Variants in DACH2 observed in about 807,000 individuals in gnomAD.
DACH2 encodes dachshund family transcription factor 2, also known as dachshund homolog 2.
Under a neutral mutation model 35.8 loss-of-function variants are expected in DACH2, and 17 were observed. That is an observed-to-expected ratio of 0.48 (90% confidence interval 0.33 to 0.71). DACH2 has a LOEUF of 0.71. Ranked by LOEUF, DACH2 falls within the 30% of genes least tolerant of loss-of-function variation. The probability of loss-of-function intolerance (pLI) is 0.02; values close to 1 mark genes in which losing one functional copy is unlikely to be tolerated. For missense variants in DACH2, 469 were observed against 472.7 expected, an observed-to-expected ratio of 0.99 and a Z score of 0.07; for synonymous variants, 195 against 177.3, an observed-to-expected ratio of 1.10 and a Z score of -0.79.
rs373891301 is a variant in DACH2, at chrX:86,527,487, A to G, written c.640+13096A>G. On this transcript the variant is annotated intron_variant, in intron 3 of 11. Coordinates refer to ENST00000373125, the MANE Select transcript of DACH2 (RefSeq NM_053281.3). ...TGTCTGACTTCTTTCCTTTAGCATA[A>G]TTTTATTGAGATTCCAAATTGTTGT... Among the ~76,000 whole-genome samples, 18 of 112,233 alleles carry G rather than the reference A, an allele frequency of 1.6e-4. No individual in the cohort carries two copies. The East Asian group carries it at 3.1e-3, about 19-fold the overall frequency.
intron 1 of DACH2, among the ~76,000 whole-genome samples, chrX:86,321,798 T>G (rs1410223127): frequency 2.7e-5 from 3 of 112,365 alleles, no homozygotes; most frequent in Non-Finnish European, 5.6e-5. Context: ...TTGCGTTAAA[T>G]TTTGGAAAGC....
intron 1 of DACH2, among the ~76,000 whole-genome samples, chrX:86,193,423 C>A (rs1264374542): frequency 1.8e-5 from 2 of 111,598 alleles, no homozygotes; most frequent in Non-Finnish European, 3.8e-5. Context: ...AAGGGGAAAC[C>A]ATTTGAACTG....
At chrX:86,610,409 CTTT>C (rs1569452331) in intron 3 of DACH2, among the ~76,000 whole-genome samples, 2 of 71,830 alleles carry the variant, frequency 2.8e-5, no homozygotes, top group Non-Finnish European at 5.2e-5. Context: ...TTCTTTCTTT[CTTT>C]CTTTCTTTTC....
intron 3 of DACH2, among the ~76,000 whole-genome samples, chrX:86,606,027 A>G (rs769203500): frequency 1.8e-5 from 2 of 110,865 alleles, no homozygotes; most frequent in East Asian, 2.9e-4. Flanking sequence ...TGATTTTGAC[A>G]TTATCTCTGA....
At chrX:86,800,621 TAAG>T (rs2042282734) in intron 7 of DACH2, among the ~76,000 whole-genome samples, 1 of 112,030 alleles carries the variant, frequency 8.9e-6, no homozygotes, top group Non-Finnish European at 1.9e-5. Flanking sequence ...TGATAAAACT[TAAG>T]AAATTTTCAG....
chrX:86,438,220 T>G (rs954005138), intron 2 of DACH2, among the ~76,000 whole-genome samples: 4 of 74,504 alleles, frequency 5.4e-5, no homozygotes, highest in Non-Finnish European at 9.1e-5. Context: ...ATCTCGTAGG[T>G]TTTTTTTTTT....
At chrX:86,748,502 G>T (rs5923625) in intron 7 of DACH2, among the ~76,000 whole-genome samples, 32,746 of 110,795 alleles carry the variant, frequency 0.3, 3,812 homozygotes, top group Middle Eastern at 0.4. Context: ...TTCATTTGCA[G>T]TGAGCAGTAA....
intron 3 of DACH2, among the ~76,000 whole-genome samples, chrX:86,625,457 A>T (rs1569455046): frequency 1.8e-5 from 2 of 111,130 alleles, no homozygotes; most frequent in African/African-American, 6.6e-5. Context: ...TGTAATTCAA[A>T]CATGTCATTT....
intron 3 of DACH2, among the ~76,000 whole-genome samples, chrX:86,551,902 C>T (rs1384045366): frequency 9.0e-6 from 1 of 111,613 alleles, no homozygotes; most frequent in Non-Finnish European, 1.9e-5. Flanking sequence ...TCTTGGTTCT[C>T]TGTCAATTTA....
intron 3 of DACH2, among the ~76,000 whole-genome samples, chrX:86,573,837 G>A (rs1377156098): frequency 9.0e-6 from 1 of 110,949 alleles, no homozygotes. Context: ...CCCTACTCAG[G>A]CTGCAAATAC....
intron 1 of DACH2, among the ~76,000 whole-genome samples, chrX:86,228,111 C>T (rs1343501173): frequency 9.1e-6 from 1 of 109,848 alleles, no homozygotes; most frequent in Non-Finnish European, 1.9e-5. Flanking sequence ...TTTTATTCCT[C>T]GCCCCCTTCC....
chrX:86,285,255 G>T (rs2034120836), intron 1 of DACH2, among the ~76,000 whole-genome samples: 1 of 111,161 alleles, frequency 9.0e-6, no homozygotes, highest in African/African-American at 3.3e-5. Flanking sequence ...AGTTCTTTAA[G>T]ATATCTCATC....
rs115943722 is a variant in DACH2 at position 86,391,502 on chromosome X, T to C, written c.527+14640T>C. Among the ~76,000 whole-genome samples the C allele has an allele frequency of 7.0e-3, 774 of 110,189 alleles. 9 individuals are homozygous for C. The highest frequency in any genetic ancestry group is 0.024 in the African/African-American group (742 of 30,382). On this transcript the variant is annotated intron_variant, in intron 2 of 11. Coordinates refer to ENST00000373125, the MANE Select transcript of DACH2 (RefSeq NM_053281.3). The stretch of plus-strand genomic sequence containing the variant: ...CCACATTTAAATGACATAAGTGGAA[T>C]ATAACCATGTACATCAAAGTTAACC...
chrX:86,617,968 A>G (rs2040026132), intron 3 of DACH2, among the ~76,000 whole-genome samples: 1 of 112,462 alleles, frequency 8.9e-6, no homozygotes, highest in Non-Finnish European at 1.9e-5. Context: ...GAATTGACTG[A>G]AATAATTTAT....
At chrX:86,373,397 G>A (rs753244428) in intron 1 of DACH2, among the ~76,000 whole-genome samples, 4 of 110,915 alleles carry the variant, frequency 3.6e-5, no homozygotes, top group African/African-American at 6.5e-5. Context: ...CACAAATCTT[G>A]TCTCTTCTAC....
intron 1 of DACH2, among the ~76,000 whole-genome samples, chrX:86,190,422 T>C (rs1167285194): frequency 1.8e-5 from 2 of 111,683 alleles, no homozygotes; most frequent in Admixed American, 9.6e-5. Context: ...GACGTTTTAA[T>C]CTACTTCAAT....
intron 6 of DACH2, among the ~76,000 whole-genome samples, chrX:86,729,296 G>C (rs2041506438): frequency 8.9e-6 from 1 of 112,042 alleles, no homozygotes; most frequent in Admixed American, 9.4e-5. Flanking sequence ...TCTTTTGGCT[G>C]ATTTCTCTCT....
At chrX:86,463,436 A>G (rs1442102878) in intron 2 of DACH2, among the ~76,000 whole-genome samples, 1 of 111,078 alleles carries the variant, frequency 9.0e-6, no homozygotes, top group Non-Finnish European at 1.9e-5. Context: ...AGGATTCCCT[A>G]TTTAATAAAT....
rs199706357 is a variant in DACH2, at chrX:86,537,492, TC to T, written c.640+23105del. Among the ~76,000 whole-genome samples the T allele has an allele frequency of 5.6e-3, 626 of 111,495 alleles. 16 individuals carry two copies. Among genetic ancestry groups the T allele is most frequent in the Admixed American group, 0.055 (577 of 10,431 alleles). On this transcript the variant is annotated intron_variant, in intron 3 of 11. Coordinates refer to ENST00000373125, the MANE Select transcript of DACH2 (RefSeq NM_053281.3). ...TTTCTGGGCCACACCCTTGTTTTCC[TC>T]CCCTGAAAATGCTTTCATTCTCTAA...
Sources: gnomAD v4.1 joint callset for allele counts (sites outside exome capture counted in the v4.1 genomes callset) on GRCh38, gnomAD v4.1.1 for gene constraint, MANE v1.5 for transcripts, NCBI Gene and HGNC (gene_info 2026-07-23, HGNC 2026-07-21) for gene names.